The following CDH4 variants were observed in gnomAD, a reference collection of about 807,000 sequenced individuals.
CDH4 encodes cadherin-4.
CDH4 carries 33 observed loss-of-function variants against 86.0 expected under a neutral mutation model. That is an observed-to-expected ratio of 0.38 (90% CI 0.29 to 0.51). CDH4 has a LOEUF of 0.51. CDH4 is among the 20% of genes least tolerant of loss of function. CDH4 has a pLI of 0.86. For synonymous variants in CDH4, 555 were observed against 549.4 expected (o/e 1.01, Z -0.14); for missense variants, 1,114 against 1,307.4 (o/e 0.85, Z 2.28).
chr20:61,258,771 C>T (rs564795042), intron 2 of CDH4, among the ~76,000 whole-genome samples: 18 of 152,324 alleles, frequency 1.2e-4, no homozygotes, highest in South Asian at 2.1e-4. Context: ...TTTAGTGCCT[C>T]GTCACTGCAA....
intron 3 of CDH4, among the ~76,000 whole-genome samples, chr20:61,747,308 C>T (rs573666570): frequency 4.6e-5 from 7 of 151,982 alleles, no homozygotes; most frequent in South Asian, 4.2e-4. Flanking sequence ...ATTAGCCGGG[C>T]GTAGTGGCAG....
rs192701975 is a variant in CDH4 at position 61,878,535 on chromosome 20, G to A, written c.1050+4635G>A. Among the ~76,000 whole-genome samples, 40 of 152,318 alleles carry A rather than the reference G, an allele frequency of 2.6e-4. 1 individual carries two copies. The highest frequency in any genetic ancestry group is 4.4e-5 in the Non-Finnish European group (3 of 68,030). ...CCATTAGGGAAGCTGCCTCCAGCAC[G>A]CAGCAGCCATGTCCCAGGGCCCCCG... On this transcript the variant is annotated intron_variant, in intron 7 of 15. Coordinates refer to ENST00000614565, the MANE Select transcript of CDH4 (RefSeq NM_001794.5).
intron 2 of CDH4, among the ~76,000 whole-genome samples, chr20:61,547,485 A>C (rs2086097260): frequency 6.7e-6 from 1 of 148,364 alleles, no homozygotes; most frequent in African/African-American, 2.5e-5. Context: ...AAGTGCTGGG[A>C]TTACAGGCAT....
chr20:61,459,285 C>A (rs2085428677), intron 2 of CDH4, among the ~76,000 whole-genome samples: 1 of 151,896 alleles, frequency 6.6e-6, no homozygotes, highest in Admixed American at 6.6e-5. Flanking sequence ...CAGTGAGAAC[C>A]CTGACTCAGA....
At chr20:61,649,775 GAT>G (rs1320648111) in intron 2 of CDH4, among the ~76,000 whole-genome samples, 3 of 152,218 alleles carry the variant, frequency 2.0e-5, no homozygotes, top group Non-Finnish European at 2.9e-5. Flanking sequence ...GCAGGTCTGT[GAT>G]CTCTTACTCC....
At chr20:61,821,842 G>A (rs1488709355) in intron 4 of CDH4, among the ~76,000 whole-genome samples, 5 of 152,262 alleles carry the variant, frequency 3.3e-5, no homozygotes, top group Non-Finnish European at 5.9e-5. Context: ...AGAGATGGCA[G>A]GAGATAAGTG....
chr20:61,404,933 C>A (rs2085072859), intron 2 of CDH4, among the ~76,000 whole-genome samples: 1 of 152,038 alleles, frequency 6.6e-6, no homozygotes, highest in African/African-American at 2.4e-5. Context: ...GCCTGTAGTC[C>A]CAGCTATTCA....
At chr20:61,321,583 A>C (rs2084508763) in intron 2 of CDH4, among the ~76,000 whole-genome samples, 1 of 152,138 alleles carries the variant, frequency 6.6e-6, no homozygotes, top group Non-Finnish European at 1.5e-5. Context: ...TGGGTACCTG[A>C]TGTATGTGCT....
chr20:61,757,959 A>C (rs957653327), intron 3 of CDH4, among the ~76,000 whole-genome samples: 1 of 152,074 alleles, frequency 6.6e-6, no homozygotes, highest in Admixed American at 6.5e-5. Context: ...CTGGGCATTC[A>C]CGTGTCCCGG....
chr20:61,294,500 A>G (rs1010979442), intron 2 of CDH4, among the ~76,000 whole-genome samples: 5 of 152,130 alleles, frequency 3.3e-5, no homozygotes, highest in Non-Finnish European at 5.9e-5. Flanking sequence ...CCTCCACCCT[A>G]TGCCCCTTTA....
rs981603665 is a variant in CDH4 at position 61,544,276 on chromosome 20, G to T, written c.170-199287G>T. Reference sequence around the variant, plus strand: ...GGCGGGGTACGGCTGACATCGAGCGGGTGGAGGCTGGGTACGGCTAAACAC... The same window carrying T: ...GGCGGGGTACGGCTGACATCGAGCGTGTGGAGGCTGGGTACGGCTAAACAC... On this transcript the variant is annotated intron_variant, in intron 2 of 15. Transcript: ENST00000614565. This position sits in a 1 kb window ranked among gnomAD's most constrained non-coding sequence, Gnocchi z 6.5. Among the ~76,000 whole-genome samples, 4 of 152,068 alleles carry T rather than the reference G, an allele frequency of 2.6e-5. No individual in the cohort carries two copies. Among genetic ancestry groups the T allele is most frequent in the Non-Finnish European group, 5.9e-5 (4 of 68,020 alleles).
intron 4 of CDH4, among the ~76,000 whole-genome samples, chr20:61,827,412 G>A (rs542269797): frequency 1.8e-4 from 28 of 152,324 alleles, no homozygotes; most frequent in African/African-American, 6.5e-4. Context: ...TTTTGAGACT[G>A]TTGTTTGTGT....
Position 61,881,682 on chromosome 20 carries a change from G to C in CDH4, c.1050+7782G>C, listed in dbSNP as rs78694756. On this transcript the variant is annotated intron_variant, in intron 7 of 15. Transcript: ENST00000614565. ...AGGAAGAGGAGGGGGCGGCACGTGGGGGACTGCAGGTGGGGAGGAGTGAGA... is the reference window on the plus strand; with the variant it reads ...AGGAAGAGGAGGGGGCGGCACGTGGCGGACTGCAGGTGGGGAGGAGTGAGA... Among the ~76,000 whole-genome samples, 1,151 of 152,328 alleles carry C rather than the reference G, an allele frequency of 7.6e-3. 18 individuals are homozygous for C. Among genetic ancestry groups the C allele is most frequent in the African/African-American group, 0.025 (1,059 of 41,574 alleles).
intron 2 of CDH4, among the ~76,000 whole-genome samples, chr20:61,415,134 G>T (rs1274884562): frequency 6.6e-6 from 1 of 152,200 alleles, no homozygotes; most frequent in African/African-American, 2.4e-5. Context: ...TCCAAGTGGG[G>T]TCCCCACACT....
At chr20:61,880,112 G>A (rs898580971) in intron 7 of CDH4, among the ~76,000 whole-genome samples, 8 of 152,158 alleles carry the variant, frequency 5.3e-5, no homozygotes, top group African/African-American at 1.9e-4. Flanking sequence ...CACCACCATC[G>A]ACTTTAGTTA....
At chr20:61,931,677 T>C (rs1164206795) in intron 13 of CDH4, among the ~76,000 whole-genome samples, 1 of 152,188 alleles carries the variant, frequency 6.6e-6, no homozygotes, top group East Asian at 1.9e-4. Context: ...CTGCATTACC[T>C]GCTCCTGGAG....
intron 2 of CDH4, among the ~76,000 whole-genome samples, chr20:61,444,303 GTA>G (rs2085331646): frequency 4.7e-3 from 198 of 42,186 alleles, no homozygotes; most frequent in Non-Finnish European, 5.7e-3. Flanking sequence ...GTTTCTTTGT[GTA>G]TGTATTTTTG....
At chr20:61,254,422 C>T (rs1429161374) in intron 1 of CDH4, among the ~76,000 whole-genome samples, 1 of 152,208 alleles carries the variant, frequency 6.6e-6, no homozygotes, top group Non-Finnish European at 1.5e-5. Flanking sequence ...GCCTAAAGCG[C>T]GAATGGTCTG....
chr20:61,281,762 G>T (rs948118029), intron 2 of CDH4, among the ~76,000 whole-genome samples: 3 of 152,230 alleles, frequency 2.0e-5, no homozygotes, highest in African/African-American at 7.2e-5. Flanking sequence ...CTCCCCTGGA[G>T]GGGACGCACC....
Sources: gnomAD v4.1 joint callset for allele counts (sites outside exome capture counted in the v4.1 genomes callset) on GRCh38, gnomAD v4.1.1 for gene constraint, Gnocchi (gnomAD v3.1) non-coding constraint, MANE v1.5 for transcripts, NCBI Gene and HGNC (gene_info 2026-07-23, HGNC 2026-07-21) for gene names.